The following CDH13 variants were observed in gnomAD, a reference collection of about 807,000 sequenced individuals.
The protein encoded by CDH13 is cadherin-13.
Under a neutral mutation model 63.8 loss-of-function variants are expected in CDH13, and 24 were observed. The observed-to-expected ratio is 0.38, with a 90% confidence interval of 0.27 to 0.53. The LOEUF is 0.53. CDH13 is among the 20% of genes least tolerant of loss of function. The probability of loss-of-function intolerance (pLI) is 0.85; values close to 1 mark genes in which losing one functional copy is unlikely to be tolerated. For synonymous variants in CDH13, 503 were observed against 355.3 expected, an observed-to-expected ratio of 1.42 and a Z score of -4.67; for missense variants, 1,049 against 903.1, an observed-to-expected ratio of 1.16 and a Z score of -2.07.
At chr16:82,729,454 C>A (rs1001961372) in intron 1 of CDH13, among the ~76,000 whole-genome samples, 4 of 152,032 alleles carry the variant, frequency 2.6e-5, no homozygotes, top group Admixed American at 6.6e-5. Flanking sequence ...GGGTGACCAG[C>A]TGCATTGTCA....
chr16:83,014,868 GTA>G (rs1186762735), intron 2 of CDH13, among the ~76,000 whole-genome samples: 1 of 79,168 alleles, frequency 1.3e-5, no homozygotes, highest in Admixed American at 1.6e-4. Flanking sequence ...ATATATATAT[GTA>G]TATATATATG....
At chr16:83,307,802 A>G (rs1372431522) in intron 5 of CDH13, among the ~76,000 whole-genome samples, 1 of 152,222 alleles carries the variant, frequency 6.6e-6, no homozygotes, top group Non-Finnish European at 1.5e-5. Flanking sequence ...TTTTAGCACT[A>G]TTATCCCATG....
At chr16:82,933,586 C>T (rs1157338968) in intron 2 of CDH13, among the ~76,000 whole-genome samples, 1 of 152,208 alleles carries the variant, frequency 6.6e-6, no homozygotes, top group Non-Finnish European at 1.5e-5. Flanking sequence ...AAAGTCGTAA[C>T]TCATTTTGGC....
At chr16:82,922,222 T>A (rs1357636958) in intron 2 of CDH13, among the ~76,000 whole-genome samples, 1 of 152,212 alleles carries the variant, frequency 6.6e-6, no homozygotes, top group African/African-American at 2.4e-5. Context: ...ATTTTTGGTC[T>A]TATTGATTTT....
chr16:82,874,345 A>G (rs371701383), intron 2 of CDH13, among the ~76,000 whole-genome samples: 62 of 152,190 alleles, frequency 4.1e-4, no homozygotes, highest in African/African-American at 1.3e-3. Context: ...TGGCGTCTTC[A>G]CATCCCGGCC....
chr16:83,082,840 A>G (rs540370403), intron 3 of CDH13, among the ~76,000 whole-genome samples: 10 of 152,356 alleles, frequency 6.6e-5, no homozygotes, highest in African/African-American at 2.2e-4. Flanking sequence ...ATTAATTAGC[A>G]AAGCATTCGG....
intron 6 of CDH13, among the ~76,000 whole-genome samples, chr16:83,379,938 T>TATATAGAGAGAGAG: frequency 7.4e-4 from 91 of 123,448 alleles, no homozygotes; most frequent in African/African-American, 2.6e-3. Context: ...TATATATATA[T>TATATAGAGAGAGAG]AGAGAGAGAG....
chr16:82,990,830 T>G (rs1159379784), intron 2 of CDH13, among the ~76,000 whole-genome samples: 1 of 152,198 alleles, frequency 6.6e-6, no homozygotes, highest in Non-Finnish European at 1.5e-5. Context: ...TGTGAGCCAC[T>G]GTGCCCCACA....
intron 1 of CDH13, among the ~76,000 whole-genome samples, chr16:82,664,446 G>C (rs976497234): frequency 2.0e-5 from 3 of 152,358 alleles, no homozygotes; most frequent in South Asian, 2.1e-4. Flanking sequence ...TGGGGGCTCA[G>C]TTGCTTGGAA....
chr16:82,692,581 G>A (rs1357570510), intron 1 of CDH13, among the ~76,000 whole-genome samples: 2 of 152,206 alleles, frequency 1.3e-5, no homozygotes, highest in Non-Finnish European at 2.9e-5. Context: ...CATGACATGT[G>A]AGAATTATGG....
At chr16:83,525,964 T>C (rs1338669345) in intron 7 of CDH13, among the ~76,000 whole-genome samples, 2 of 152,212 alleles carry the variant, frequency 1.3e-5, no homozygotes, top group Non-Finnish European at 2.9e-5. Context: ...CCCTGGAGCC[T>C]CTGGAAAGGA....
At chr16:83,222,377 T>C (rs546539899) in intron 5 of CDH13, among the ~76,000 whole-genome samples, 1 of 152,206 alleles carries the variant, frequency 6.6e-6, no homozygotes, top group South Asian at 2.1e-4. Context: ...TGTAGCTCCA[T>C]GACAATTTGG....
chr16:83,239,019 C>G (rs934593051), intron 5 of CDH13, among the ~76,000 whole-genome samples: 2 of 152,174 alleles, frequency 1.3e-5, no homozygotes, highest in Non-Finnish European at 2.9e-5. Context: ...TGTGCTGTTA[C>G]TGGCATCTCA....
At chr16:83,112,190 C>G (rs1387784819) in intron 3 of CDH13, among the ~76,000 whole-genome samples, 1 of 152,152 alleles carries the variant, frequency 6.6e-6, no homozygotes, top group African/African-American at 2.4e-5. Flanking sequence ...TTCATTTATT[C>G]ACACATGCAA....
chr16:83,165,860 C>G lies in CDH13; in HGVS notation c.483+40359C>G, dbSNP rs9936925. Among the ~76,000 whole-genome samples, 24 of 152,170 alleles carry G rather than the reference C, an allele frequency of 1.6e-4. 1 individual carries two copies. The East Asian group carries it at 4.4e-3, about 28-fold the overall frequency. On this transcript the variant is annotated intron_variant, in intron 4 of 13. Coordinates refer to ENST00000567109, the MANE Select transcript of CDH13 (RefSeq NM_001257.5). ...TGGAGGAATGGTGGAAAGAGAAGAA[C>G]AACTGAAAGGCTTCAGCACAATCGC... is the stretch of plus-strand genomic sequence containing the variant.
intron 7 of CDH13, among the ~76,000 whole-genome samples, chr16:83,533,963 T>G (rs1172246456): frequency 6.6e-6 from 1 of 152,200 alleles, no homozygotes; most frequent in African/African-American, 2.4e-5. Flanking sequence ...ATTTTTAAAC[T>G]TGTTTGTCAA....
chr16:83,130,280 G>A (rs573539529), intron 4 of CDH13, among the ~76,000 whole-genome samples: 1 of 152,284 alleles, frequency 6.6e-6, no homozygotes, highest in East Asian at 1.9e-4. Flanking sequence ...TGAGACTCAG[G>A]GGTGACGTAA....
chr16:82,669,742 G>A (rs937448287), intron 1 of CDH13, among the ~76,000 whole-genome samples: 10 of 152,114 alleles, frequency 6.6e-5, no homozygotes, highest in African/African-American at 1.7e-4. Flanking sequence ...ATATATAATT[G>A]GACGGAACCA....
intron 11 of CDH13, among the ~76,000 whole-genome samples, chr16:83,766,181 C>T (rs1320146684): frequency 6.6e-6 from 1 of 152,162 alleles, no homozygotes; most frequent in Non-Finnish European, 1.5e-5. Flanking sequence ...CAGACCTCTG[C>T]CCCACCACAC....
Sources: allele counts gnomAD v4.1 joint callset (sites outside exome capture counted in the v4.1 genomes callset), GRCh38; gene constraint gnomAD v4.1.1; transcripts MANE v1.5; gene names NCBI Gene and HGNC (gene_info 2026-07-23, HGNC 2026-07-21).